The following MMRN1 variants were observed in gnomAD, a reference collection of about 807,000 sequenced individuals.
MMRN1 encodes the protein multimerin 1.
Under a neutral mutation model 100.7 loss-of-function variants are expected in MMRN1, and 94 were observed. The ratio of observed to expected loss-of-function variants is 0.93; its 90% CI spans 0.79 to 1.11. The LOEUF is 1.11. Ranked by LOEUF, MMRN1 falls within the 50% of genes least tolerant of loss-of-function variation. The pLI, the probability that MMRN1 is intolerant of heterozygous loss-of-function variation, is 0.00. For synonymous variants in MMRN1, 575 were observed against 505.0 expected, an observed-to-expected ratio of 1.14 and a Z score of -1.86; for missense variants, 1,606 against 1,439.1, an observed-to-expected ratio of 1.12 and a Z score of -1.88.
At position 89,923,230 on chromosome 4, in the gene MMRN1, G is replaced by A. The variant is rs1414873829; in HGVS notation, c.913G>A (p.Gly305Arg). The change falls in exon 4 of 8, where the codon GGA (glycine) becomes AGA (arginine). Residue 305 changes from glycine (G) to arginine (R), a missense_variant. Physicochemically the swap from Gly to Arg is moderately radical, Grantham distance 125. Coordinates refer to ENST00000264790, the MANE Select transcript of MMRN1 (RefSeq NM_007351.3). ...TGAAAGTCATACAGCTGTTGGCAGA[G>A]GAGTAGCTGAGCAGCAGCAGCAGCA... ...QAESHTAVGR[G>R]VAEQQQQQGC... is the part of the protein sequence containing the mutation. 6.2e-7 allele frequency: 1 copy of A among 1,613,874 alleles called. No homozygotes were observed. The highest frequency in any genetic ancestry group is 1.3e-5 in the African/African-American group (1 of 74,930).
At chr4:89,900,282 T>G (rs1160342637) in intron 1 of MMRN1, among the ~76,000 whole-genome samples, 1 of 152,096 alleles carries the variant, frequency 6.6e-6, no homozygotes, top group East Asian at 1.9e-4. Context: ...CACTCCAAGA[T>G]CACTGCACTT....
chr4:89,887,382 T>C (rs368945791), intron 1 of MMRN1, among the ~76,000 whole-genome samples: 6 of 152,104 alleles, frequency 3.9e-5, no homozygotes, highest in East Asian at 1.9e-4. Flanking sequence ...GGAATCATAT[T>C]ACCTGTCTTC....
At chr4:89,921,686 A>G (rs1184912983) in intron 3 of MMRN1, among the ~76,000 whole-genome samples, 2 of 152,212 alleles carry the variant, frequency 1.3e-5, no homozygotes, top group Non-Finnish European at 2.9e-5. Flanking sequence ...TATAGAATAC[A>G]GCAGAGGAAA....
chr4:89,891,563 A>T (rs969513400), upstream of MMRN1, among the ~76,000 whole-genome samples: 1 of 152,100 alleles, frequency 6.6e-6, no homozygotes, highest in African/African-American at 2.4e-5. Context: ...TGCCAAATTT[A>T]ACTTACCTAG....
intron 6 of MMRN1, among the ~76,000 whole-genome samples, chr4:89,948,521 C>T (rs553104749): frequency 6.6e-6 from 1 of 152,216 alleles, no homozygotes; most frequent in East Asian, 1.9e-4. Flanking sequence ...CATCAGAGCA[C>T]AGGAGACCTG....
chr4:89,920,577 T>C (rs1722056683), intron 3 of MMRN1, among the ~76,000 whole-genome samples: 1 of 152,166 alleles, frequency 6.6e-6, no homozygotes, highest in Non-Finnish European at 1.5e-5. Context: ...AAGGTTTTCA[T>C]TTCTTAAACT....
chr4:89,939,619 T>C (rs931284565), intron 6 of MMRN1, among the ~76,000 whole-genome samples: 2 of 152,092 alleles, frequency 1.3e-5, no homozygotes, highest in African/African-American at 4.8e-5. Flanking sequence ...AACTAGTAAG[T>C]GATAGAGCTT....
At position 89,935,481 on chromosome 4, in the gene MMRN1, A is replaced by G. The variant is rs778797469; in HGVS notation, c.1801A>G (p.Asn601Asp). 6 of 1,613,530 alleles carry G rather than the reference A, an allele frequency of 3.7e-6. No homozygotes were observed. The East Asian group carries it at 8.9e-5, about 24-fold the overall frequency. The change falls in exon 6 of 8, where the codon AAT (asparagine) becomes GAT (aspartate). Residue 601 changes from asparagine to aspartate, a missense_variant. Asn to Asp is a conservative substitution (Grantham distance 23). Transcript: ENST00000264790. Reference protein sequence around the residue: ...ECEDMLSKCRNDFKFQLKDTE... With the variant: ...ECEDMLSKCRDDFKFQLKDTE... ...TGAAGACATGTTATCCAAATGCAGA[A>G]ATGATTTTAAATTTCAACTTAAGGA...
At chr4:89,884,758 G>C (rs559250814) in intron 1 of MMRN1, among the ~76,000 whole-genome samples, 79 of 151,930 alleles carry the variant, frequency 5.2e-4, no homozygotes, top group African/African-American at 1.9e-3. Context: ...CACCACACCC[G>C]GCTTTAAAAA....
At chr4:89,909,236 TGACAACAG>T (rs1242480618) in intron 1 of MMRN1, 32 bp from the exon 2 acceptor site, 1 of 1,553,296 alleles carries the variant, frequency 6.4e-7, no homozygotes, top group South Asian at 1.2e-5. Flanking sequence ...AATTCTTTTT[TGACAACAG>T]TTTTTTCCCT....
chr4:89,943,225 T>TA lies in MMRN1; in HGVS notation c.3118+6428dup, dbSNP rs1450880154. Among the ~76,000 whole-genome samples the TA allele has an allele frequency of 6.6e-5, 10 of 152,308 alleles. No individual in the cohort carries two copies. In the South Asian group the frequency reaches 2.1e-3, roughly 32 times the overall value. On this transcript the variant is annotated intron_variant, in intron 6 of 7. Coordinates refer to ENST00000264790, the MANE Select transcript of MMRN1 (RefSeq NM_007351.3). ...TAAATTGGAAGTTATAAAAAATACT[T>TA]ACTATCCCAAATCATCATCTGAATA...
At position 89,912,063 on chromosome 4, in the gene MMRN1, A is replaced by T; in HGVS notation, c.850+13A>T. 1 of 1,494,582 alleles carries T rather than the reference A, an allele frequency of 6.7e-7. No individual in the cohort carries two copies. Among genetic ancestry groups the T allele is most frequent in the African/African-American group, 1.4e-5 (1 of 70,430 alleles). The allele number at this position is 1,494,582 out of a possible 1,614,324, so 92.6% of individuals were successfully genotyped here. A position where few individuals can be genotyped will look rare whatever the true frequency, so the allele number is the denominator to read the frequency against. ...TGTCAACTAAGAGGTACACTCTAAT[A>T]TTAATAATCACAATTCTGAACAATA... On this transcript the variant is annotated intron_variant, in intron 3 of 7. Coordinates refer to ENST00000264790, the MANE Select transcript of MMRN1 (RefSeq NM_007351.3).
At position 89,927,869 on chromosome 4, in the gene MMRN1, A is replaced by C; in HGVS notation, c.1030A>C (p.Asn344His). 6.2e-7 allele frequency: 1 copy of C among 1,612,704 alleles called. No individual in the cohort carries two copies. Among genetic ancestry groups the C allele is most frequent in the Non-Finnish European group, 8.5e-7 (1 of 1,179,284 alleles). Residue 344 changes from asparagine to histidine, a missense_variant, in exon 5 of 8, where the codon AAT becomes CAT. Transcript: ENST00000264790. ...KLTLLQKKID[N>H]ISLTVNDVRN... Reference sequence around the variant, plus strand: ...GACTCTTCTGCAGAAGAAGATTGACAATATTTCTTTGACTGTGAATGATGT... The same window carrying C: ...GACTCTTCTGCAGAAGAAGATTGACCATATTTCTTTGACTGTGAATGATGT...
intron 1 of MMRN1, among the ~76,000 whole-genome samples, chr4:89,899,294 C>T (rs2110583155): frequency 6.6e-6 from 1 of 151,802 alleles, no homozygotes. Flanking sequence ...AGTCAATGAC[C>T]AAGCACTTTG....
chr4:89,935,763 C>T lies in MMRN1; in HGVS notation c.2083C>T (p.Leu695Phe), dbSNP rs1403537011. Reference protein sequence around the residue: ...VNSLNFIIKELTKRHNLLRNE... With the variant: ...VNSLNFIIKEFTKRHNLLRNE... Reference sequence around the variant, plus strand: ...TAGTCTAAATTTTATTATCAAAGAACTTACAAAAAGACACAACTTACTTAG... The same window carrying T: ...TAGTCTAAATTTTATTATCAAAGAATTTACAAAAAGACACAACTTACTTAG... The change falls in exon 6 of 8, where the codon CTT becomes TTT. Residue 695 changes from leucine to phenylalanine, a missense_variant. Leu to Phe is a conservative substitution (Grantham distance 22). Coordinates refer to ENST00000264790, the MANE Select transcript of MMRN1 (RefSeq NM_007351.3). The T allele has an allele frequency of 6.2e-7, 1 of 1,612,032 alleles. No individual in the cohort carries two copies. The highest frequency in any genetic ancestry group is 2.2e-5 in the East Asian group (1 of 44,760).
intron 6 of MMRN1, among the ~76,000 whole-genome samples, chr4:89,939,510 A>G (rs1487861488): frequency 2.6e-5 from 4 of 152,134 alleles, no homozygotes. Flanking sequence ...TCATAACTTC[A>G]TTTAACAATA....
At chr4:89,902,622 C>A (rs968848650) in intron 1 of MMRN1, among the ~76,000 whole-genome samples, 1 of 151,896 alleles carries the variant, frequency 6.6e-6, no homozygotes, top group Non-Finnish European at 1.5e-5. Flanking sequence ...AGGCACTCTA[C>A]AGTCATCTAT....
At chr4:89,906,906 C>A (rs1387669178) in intron 1 of MMRN1, among the ~76,000 whole-genome samples, 1 of 151,474 alleles carries the variant, frequency 6.6e-6, no homozygotes, top group Admixed American at 6.6e-5. Context: ...TTCAAAAGGT[C>A]TCTGCCAGGT....
Position 89,951,711 on chromosome 4 carries a change from C to A in MMRN1, c.3225C>A (p.Asn1075Lys), listed in dbSNP as rs61734879. 6,045 of 1,612,102 alleles carry A rather than the reference C, an allele frequency of 3.7e-3. 12 individuals are homozygous for A. Among genetic ancestry groups the A allele is most frequent in the Middle Eastern group, 4.8e-3 (29 of 6,040 alleles). Residue 1075 changes from asparagine to lysine, a missense_variant, in exon 7 of 8, where the codon AAC (asparagine) becomes AAA (lysine). Transcript: ENST00000264790. ...CACRHPFTGD[N>K]CTIKLVEENA... ...GCAGACATCCTTTTACTGGTGACAACTGCACTATCAAGCTTGTGGAAGAAA... is the reference window on the plus strand; with the variant it reads ...GCAGACATCCTTTTACTGGTGACAAATGCACTATCAAGCTTGTGGAAGAAA...
Sources: gnomAD v4.1 joint callset for allele counts (sites outside exome capture counted in the v4.1 genomes callset) on GRCh38, gnomAD v4.1.1 for gene constraint, MANE v1.5 for transcripts, NCBI Gene and HGNC (gene_info 2026-07-23, HGNC 2026-07-21) for gene names.